Variants in TSG101 observed in about 807,000 individuals in gnomAD.
The protein encoded by TSG101 is tumor susceptibility 101, also known as tumor susceptibility gene 101 protein.
Under a neutral mutation model 48.5 loss-of-function variants are expected in TSG101, and 19 were observed. The observed-to-expected ratio is 0.39, with a 90% CI of 0.27 to 0.58. The LOEUF is 0.58. Among genes scored for constraint, TSG101 ranks in the 20% least tolerant of loss-of-function variants. TSG101 has a pLI of 0.55. For missense variants in TSG101, 365 were observed against 484.4 expected (o/e 0.75, Z 2.31); for synonymous variants, 174 against 169.4 (o/e 1.03, Z -0.21).
At chr11:18,525,538 TC>T (rs1850356514) in intron 1 of TSG101, 13 of 238,512 alleles carry the variant, frequency 5.5e-5, no homozygotes, top group Non-Finnish European at 7.2e-5. Context: ...AGAGCAAGAC[TC>T]TAAAAAAAAA....
intron 6 of TSG101, among the ~76,000 whole-genome samples, chr11:18,503,512 A>G (rs1325519630): frequency 6.6e-6 from 1 of 151,720 alleles, no homozygotes; most frequent in East Asian, 1.9e-4. Flanking sequence ...AGCTGGGACT[A>G]TAGGTGCCCG....
In TSG101 at chr11:18,514,825, A is replaced by T; in HGVS notation, c.210T>A (p.Ile70=). The change falls in exon 4 of 10, where the codon ATT becomes ATA. Residue 70 remains isoleucine (I), a synonymous_variant. Transcript: ENST00000251968. ...TGTCCAGTAGCCATAGGCATATTGG[A>T]ATATTGTATGTATTACCTGAAAAAG... The part of the protein sequence containing the change: ...PVPYRGNTYN[I]PICLWLLDTY... The T allele has an allele frequency of 6.4e-7, 1 of 1,558,282 alleles. No individual in the cohort carries two copies. The highest frequency in any genetic ancestry group is 8.6e-7 in the Non-Finnish European group (1 of 1,162,130).
At chr11:18,506,639 G>A (rs1440207467) in intron 6 of TSG101, among the ~76,000 whole-genome samples, 7 of 151,778 alleles carry the variant, frequency 4.6e-5, no homozygotes, top group Admixed American at 2.6e-4. Context: ...GCAGTGAGCC[G>A]AGATTGCGCC....
intron 6 of TSG101, among the ~76,000 whole-genome samples, chr11:18,506,002 A>T (rs1306252734): frequency 6.6e-6 from 1 of 151,892 alleles, no homozygotes; most frequent in Non-Finnish European, 1.5e-5. Flanking sequence ...TTTTTAGTAG[A>T]GATGGGGTTT....
Position 18,484,008 on chromosome 11 carries a change from A to G in TSG101, c.705T>C (p.Ser235=). The G allele has an allele frequency of 6.2e-7, 1 of 1,614,050 alleles. No individual in the cohort carries two copies. Residue 235 remains serine, a synonymous_variant, in exon 8 of 10, where the codon AGT becomes AGC. Coordinates refer to ENST00000251968, the MANE Select transcript of TSG101 (RefSeq NM_006292.4). ...TIRASLISAV[S]DKLRWRMKEE... is the part of the protein sequence containing the mutation. Reference sequence around the variant, plus strand: ...CCTTCATCCGCCATCTCAGTTTGTCACTGACCGCAGAGATGAGAGAGGCTC... The same window carrying G: ...CCTTCATCCGCCATCTCAGTTTGTCGCTGACCGCAGAGATGAGAGAGGCTC...
chr11:18,484,375 A>G (rs1849589651), intron 7 of TSG101, among the ~76,000 whole-genome samples: 1 of 152,194 alleles, frequency 6.6e-6, no homozygotes, highest in African/African-American at 2.4e-5. Flanking sequence ...ACCAATTACA[A>G]TTATTCCTAA....
intron 6 of TSG101, among the ~76,000 whole-genome samples, chr11:18,503,404 G>A (rs916287897): frequency 4.7e-5 from 6 of 128,456 alleles, no homozygotes; most frequent in African/African-American, 1.5e-4. Context: ...ACGGAGTCTC[G>A]CCCTGTTGCT....
chr11:18,499,381 AAT>A lies in TSG101; in HGVS notation c.640+3103_640+3104del, dbSNP rs1229188041. On this transcript the variant is annotated intron_variant, in intron 7 of 9. Coordinates refer to ENST00000251968, the MANE Select transcript of TSG101 (RefSeq NM_006292.4). Reference sequence around the variant, plus strand: ...TTATATATAAATATGTTTATATTTAAATATATATATATATATATATATTTTTT... The same window carrying A: ...TTATATATAAATATGTTTATATTTAAATATATATATATATATATATTTTTT... 6.8e-3 allele frequency among the ~76,000 whole-genome samples: 83 copies of A among 12,290 alleles called. 8 individuals are homozygous for A. Among genetic ancestry groups the A allele is most frequent in the Non-Finnish European group, 0.01 (69 of 6,862 alleles). The allele number at this position is 12,290 out of a possible 152,430, so 8.1% of individuals were successfully genotyped here. A position where few individuals can be genotyped will look rare whatever the true frequency, so the allele number is the denominator to read the frequency against.
At chr11:18,502,358 A>T in intron 7 of TSG101, 128 bp downstream of exon 7, 1 of 592,380 alleles carries the variant, frequency 1.7e-6, no homozygotes, top group South Asian at 2.7e-5. Context: ...TTAAGATTAT[A>T]GTACATTATT....
At chr11:18,485,280 A>G (rs1327870089) in intron 7 of TSG101, among the ~76,000 whole-genome samples, 1 of 152,190 alleles carries the variant, frequency 6.6e-6, no homozygotes, top group Non-Finnish European at 1.5e-5. Flanking sequence ...TTTGCCAATG[A>G]TCTTTCCTCC....
chr11:18,500,481 T>C (rs1039633207), intron 7 of TSG101, among the ~76,000 whole-genome samples: 1 of 152,172 alleles, frequency 6.6e-6, no homozygotes, highest in African/African-American at 2.4e-5. Flanking sequence ...CTCAATAACA[T>C]TTGTTATTTT....
intron 1 of TSG101, among the ~76,000 whole-genome samples, chr11:18,523,355 G>T (rs1380186358): frequency 6.6e-6 from 1 of 152,064 alleles, no homozygotes; most frequent in South Asian, 2.1e-4. Flanking sequence ...ACTTTCCAAC[G>T]TACTTCTTGA....
At chr11:18,499,258 A>G (rs1231233536) in intron 7 of TSG101, among the ~76,000 whole-genome samples, 1 of 135,050 alleles carries the variant, frequency 7.4e-6, no homozygotes, top group Non-Finnish European at 1.6e-5. Context: ...TATATATTAT[A>G]TATATTTTAT....
intron 7 of TSG101, among the ~76,000 whole-genome samples, chr11:18,501,704 A>G (rs533739865): frequency 9.8e-5 from 15 of 152,292 alleles, no homozygotes; most frequent in South Asian, 6.2e-4. Context: ...GCTTTGGGTA[A>G]TATAGTCATT....
chr11:18,498,088 G>C (rs1849812070), intron 7 of TSG101, among the ~76,000 whole-genome samples: 2 of 151,964 alleles, frequency 1.3e-5, no homozygotes, highest in South Asian at 2.1e-4. Flanking sequence ...GGGGTTGGAG[G>C]GGGGATTGGT....
chr11:18,520,694 A>G (rs1850256410), intron 1 of TSG101, among the ~76,000 whole-genome samples: 3 of 152,128 alleles, frequency 2.0e-5, no homozygotes, highest in Non-Finnish European at 2.9e-5. Context: ...TTTCATAGAT[A>G]TATGTTTCTG....
intron 8 of TSG101, 172 bp downstream of exon 8, chr11:18,483,698 C>G (rs1316142889): frequency 1.4e-6 from 1 of 692,398 alleles, no homozygotes; most frequent in Non-Finnish European, 2.4e-6. Flanking sequence ...GACCAAATGC[C>G]AAACATAGGC....
At chr11:18,492,686 A>G (rs1010436935) in intron 7 of TSG101, among the ~76,000 whole-genome samples, 3 of 152,070 alleles carry the variant, frequency 2.0e-5, no homozygotes, top group African/African-American at 7.2e-5. Context: ...AAACACCAAG[A>G]TTAGACCTAG....
intron 2 of TSG101, among the ~76,000 whole-genome samples, chr11:18,517,729 A>T (rs1244130951): frequency 6.6e-6 from 1 of 152,212 alleles, no homozygotes. Flanking sequence ...TATACCATCT[A>T]GGTTTGTCTA....
Sources: gnomAD v4.1 joint callset for allele counts (sites outside exome capture counted in the v4.1 genomes callset) on GRCh38, gnomAD v4.1.1 for gene constraint, MANE v1.5 for transcripts, NCBI Gene and HGNC (gene_info 2026-07-23, HGNC 2026-07-21) for gene names.